Variants in PPL observed in about 807,000 individuals in gnomAD.
PPL encodes the protein 190 kDa paraneoplastic pemphigus antigen.
In PPL, 198 loss-of-function variants were observed where a neutral mutation model predicts 194.4. The observed-to-expected ratio is 1.02, with a 90% CI of 0.91 to 1.15. PPL has a LOEUF of 1.15. PPL is among the 50% of genes most tolerant of loss of function. The pLI is 0.00. For missense variants in PPL, 2,885 were observed against 2,294.8 expected (o/e 1.26, Z -5.25); for synonymous variants, 1,220 against 972.4 (o/e 1.25, Z -4.74).
chr16:4,897,671 G>A lies in PPL; in HGVS notation c.972+4C>T. 1 of 1,611,862 alleles carries A rather than the reference G, an allele frequency of 6.2e-7. No individual in the cohort carries two copies. The highest frequency in any genetic ancestry group is 8.5e-7 in the Non-Finnish European group (1 of 1,178,482). On this transcript the variant is annotated splice_donor_region_variant and intron_variant, in intron 9 of 21. Transcript: ENST00000345988. ...CTGGGGGGACTCCCAGGAAAGGTAAGTACCTGGTGGTAGTCCTCCATGTAC... is the reference window on the plus strand; with the variant it reads ...CTGGGGGGACTCCCAGGAAAGGTAAATACCTGGTGGTAGTCCTCCATGTAC...
chr16:4,888,156 G>C lies in PPL; in HGVS notation c.2460C>G (p.Ser820Arg), dbSNP rs143644912. The change falls in exon 20 of 22, where the codon AGC (serine) becomes AGG (arginine). Residue 820 changes from serine to arginine, a missense_variant. Coordinates refer to ENST00000345988, the MANE Select transcript of PPL (RefSeq NM_002705.5). ...GGAGCCTGGCTCTCTTGCTCACGTG[G>C]CTTCTCCTTCCATTCTCCAAGTCGA... ...SLLDLENGRR[S>R]HVSKRARLQS... 1.9e-6 allele frequency: 3 copies of C among 1,613,984 alleles called. No homozygotes were observed. Among genetic ancestry groups the C allele is most frequent in the Non-Finnish European group, 2.5e-6 (3 of 1,179,858 alleles).
chr16:4,933,812 G>T (rs974207401), intron 1 of PPL, among the ~76,000 whole-genome samples: 1 of 152,224 alleles, frequency 6.6e-6, no homozygotes, highest in Non-Finnish European at 1.5e-5. Flanking sequence ...CAGTGCCTAT[G>T]GAATTGTGCA....
intron 9 of PPL, among the ~76,000 whole-genome samples, chr16:4,896,333 A>G (rs1023491737): frequency 6.6e-6 from 1 of 152,220 alleles, no homozygotes; most frequent in Non-Finnish European, 1.5e-5. Context: ...GAAACAGACA[A>G]GTGTCCAGCC....
chr16:4,893,700 C>T (rs567658528), intron 12 of PPL, 62 bp from the exon 13 acceptor site: 28 of 1,399,376 alleles, frequency 2.0e-5, no homozygotes, highest in East Asian at 7.6e-5. Context: ...CCCACAGAGG[C>T]GGGACTGCGG....
intron 1 of PPL, among the ~76,000 whole-genome samples, chr16:4,920,345 G>GAGAGAAAGAA (rs1427456398): frequency 4.0e-5 from 1 of 25,076 alleles, no homozygotes; most frequent in African/African-American, 6.6e-5. Context: ...GAGAGAGAGA[G>GAGAGAAAGAA]AGAAAGAAAG....
chr16:4,933,256 C>G (rs1409073911), intron 1 of PPL, among the ~76,000 whole-genome samples: 1 of 152,112 alleles, frequency 6.6e-6, no homozygotes, highest in Non-Finnish European at 1.5e-5. Flanking sequence ...CAGCTCTCCC[C>G]TCAAAGCCTG....
Position 4,936,967 on chromosome 16 carries a change from T to G in PPL, c.62+17A>C, listed in dbSNP as rs144222774. 2.7e-4 allele frequency: 430 copies of G among 1,584,500 alleles called. 1 individual carries two copies. Among genetic ancestry groups the G allele is most frequent in the Non-Finnish European group, 3.4e-4 (395 of 1,165,890 alleles). On this transcript the variant is annotated intron_variant, in intron 1 of 21. Transcript: ENST00000345988. ...GGGCAAGAGCGTCCCGGAGCGGAGCTGTGGGCGCCTCCTCACCTCCGGGTC... is the reference window on the plus strand; with the variant it reads ...GGGCAAGAGCGTCCCGGAGCGGAGCGGTGGGCGCCTCCTCACCTCCGGGTC...
chr16:4,934,848 C>T (rs1408722790), intron 1 of PPL, among the ~76,000 whole-genome samples: 1 of 152,188 alleles, frequency 6.6e-6, no homozygotes, highest in Non-Finnish European at 1.5e-5. Context: ...ACCCCACAAT[C>T]CAGTCTGCGA....
intron 1 of PPL, among the ~76,000 whole-genome samples, chr16:4,933,767 C>T (rs1457499382): frequency 2.6e-5 from 4 of 152,216 alleles, no homozygotes; most frequent in Admixed American, 1.3e-4. Context: ...AGGTTGTCCA[C>T]GTCTCCTCCA....
intron 1 of PPL, among the ~76,000 whole-genome samples, chr16:4,926,878 C>CAAAAAAAAAAAAAAAAAAAAAAAAA (rs71402575): frequency 1.2e-5 from 1 of 81,752 alleles, no homozygotes; most frequent in East Asian, 4.0e-4. Flanking sequence ...GACTCTGTCT[C>CAAAAAAAAAAAAAAAAAAAAAAAAA]AAAAAAAAAA....
At chr16:4,899,668 C>T (rs879135761) in intron 6 of PPL, among the ~76,000 whole-genome samples, 1 of 140,678 alleles carries the variant, frequency 7.1e-6, no homozygotes, top group African/African-American at 2.5e-5. Flanking sequence ...ATACAGCAAA[C>T]GAAACACACA....
chr16:4,900,692 C>T lies in PPL; in HGVS notation c.606+138G>A, dbSNP rs2088545625. On this transcript the variant is annotated intron_variant, in intron 6 of 21. Coordinates refer to ENST00000345988, the MANE Select transcript of PPL (RefSeq NM_002705.5). ...GGCTCAAGTGATCCTCCTGCCTCTG[C>T]CTCCCAAAGTGCTAGGCGTGAGCCA... is the stretch of plus-strand genomic sequence containing the variant. 5.1e-6 allele frequency: 6 copies of T among 1,179,098 alleles called. No individual in the cohort carries two copies. In the South Asian group the frequency reaches 6.9e-5, roughly 14 times the overall value. The allele number at this position is 1,179,098 out of a possible 1,614,324, so 73.0% of individuals were successfully genotyped here. A position where few individuals can be genotyped will look rare whatever the true frequency, so the allele number is the denominator to read the frequency against.
chr16:4,921,510 AG>A (rs1338674570), intron 1 of PPL, among the ~76,000 whole-genome samples: 2 of 152,172 alleles, frequency 1.3e-5, no homozygotes, highest in Non-Finnish European at 2.9e-5. Flanking sequence ...TCTGTCACCC[AG>A]GCTGGAGTGC....
intron 1 of PPL, among the ~76,000 whole-genome samples, chr16:4,922,081 C>T (rs376171931): frequency 1.3e-5 from 2 of 152,184 alleles, no homozygotes; most frequent in Non-Finnish European, 2.9e-5. Context: ...CTGGCACTTT[C>T]TTTCAGCTGG....
intron 16 of PPL, 53 bp from the exon 17 acceptor site, chr16:4,890,974 A>T: frequency 6.9e-7 from 1 of 1,440,146 alleles, no homozygotes; most frequent in Non-Finnish European, 9.2e-7. Flanking sequence ...TCCCAGAGCC[A>T]GGCGATGACA....
chr16:4,903,054 G>T (rs74003567), intron 3 of PPL, among the ~76,000 whole-genome samples: 21,059 of 152,190 alleles, frequency 0.14, 1,618 homozygotes, highest in South Asian at 0.23. Context: ...GTGCCAGAAT[G>T]ATAGAAAGTT....
chr16:4,923,924 C>T (rs2142414190), intron 1 of PPL, among the ~76,000 whole-genome samples: 1 of 152,286 alleles, frequency 6.6e-6, no homozygotes, highest in South Asian at 2.1e-4. Context: ...GTCCGTAGCG[C>T]CCATCAGACT....
At chr16:4,933,830 G>C (rs112234809) in intron 1 of PPL, among the ~76,000 whole-genome samples, 7 of 152,366 alleles carry the variant, frequency 4.6e-5, no homozygotes, top group African/African-American at 1.7e-4. Flanking sequence ...GCAGTGCACA[G>C]CCTGTCCACC....
intron 1 of PPL, among the ~76,000 whole-genome samples, chr16:4,928,023 T>C (rs1167098521): frequency 1.3e-5 from 2 of 152,218 alleles, no homozygotes; most frequent in African/African-American, 2.4e-5. Context: ...GGAGGATTCA[T>C]AGCTCACTGC....
Sources: allele counts gnomAD v4.1 joint callset (sites outside exome capture counted in the v4.1 genomes callset), GRCh38; gene constraint gnomAD v4.1.1; transcripts MANE v1.5; gene names NCBI Gene and HGNC (gene_info 2026-07-23, HGNC 2026-07-21).